CTNNA2: variants seen among roughly 807,000 people sequenced by gnomAD.
The protein encoded by CTNNA2 is catenin alpha-2.
Under a neutral mutation model 101.0 loss-of-function variants are expected in CTNNA2, and 42 were observed. The ratio of observed to expected loss-of-function variants is 0.42; its 90% confidence interval spans 0.32 to 0.54. The LOEUF is 0.54. CTNNA2 is among the 20% of genes least tolerant of loss of function. CTNNA2 has a pLI of 0.14. For synonymous variants in CTNNA2, 450 were observed against 456.4 expected (o/e 0.99, Z 0.18); for missense variants, 871 against 1,223.1 (o/e 0.71, Z 4.29).
chr2:80,226,144 A>T (rs1708874777), intron 7 of CTNNA2, among the ~76,000 whole-genome samples: 1 of 152,184 alleles, frequency 6.6e-6, no homozygotes, highest in South Asian at 2.1e-4. Context: ...GACTTCAGCT[A>T]ATGGGACTAT....
At position 79,238,193 on chromosome 2, in the gene CTNNA2, ATTG is replaced by A. The variant is rs574636373; in HGVS notation, c.-406+40122_-406+40124del. Among the ~76,000 whole-genome samples, 447 of 152,266 alleles carry A rather than the reference ATTG, an allele frequency of 2.9e-3. 2 individuals are homozygous for A. The highest frequency in any genetic ancestry group is 9.9e-3 in the African/African-American group (413 of 41,554). On this transcript the variant is annotated intron_variant, in intron 2 of 21. Coordinates refer to the CTNNA2 transcript ENST00000466387. ...GGCTATTAATTGGCCTAATTTCAAT[ATTG>A]TTGTGTCTTAGAGAATAGGGAGGCC...
At chr2:80,114,004 T>C (rs1701369108) in intron 7 of CTNNA2, among the ~76,000 whole-genome samples, 1 of 152,260 alleles carries the variant, frequency 6.6e-6, no homozygotes, top group Non-Finnish European at 1.5e-5. Flanking sequence ...CCAGTGTTTA[T>C]GACCATTTTA....
intron 7 of CTNNA2, among the ~76,000 whole-genome samples, chr2:80,083,973 A>G (rs1335941648): frequency 6.6e-6 from 1 of 151,968 alleles, no homozygotes; most frequent in Non-Finnish European, 1.5e-5. Context: ...TATCTTGATG[A>G]GACAAGAGCA....
At chr2:79,749,457 G>A (rs1347304596) in intron 3 of CTNNA2, among the ~76,000 whole-genome samples, 3 of 152,126 alleles carry the variant, frequency 2.0e-5, no homozygotes, top group Non-Finnish European at 4.4e-5. Context: ...TGGTGTGTGT[G>A]TTTCTCCCTT....
intron 3 of CTNNA2, among the ~76,000 whole-genome samples, chr2:79,335,641 C>T (rs539690120): frequency 5.9e-5 from 9 of 152,106 alleles, no homozygotes; most frequent in Non-Finnish European, 1.3e-4. Flanking sequence ...AAACATTCTA[C>T]GTCTTAGTTA....
intron 7 of CTNNA2, among the ~76,000 whole-genome samples, chr2:80,051,382 TTTCTAAACAC>T (rs1378645428): frequency 6.6e-6 from 1 of 152,192 alleles, no homozygotes; most frequent in African/African-American, 2.4e-5. Context: ...TTTCCTATGG[TTTCTAAACAC>T]ATGTAGATTC....
At position 80,218,857 on chromosome 2, in the gene CTNNA2, G is replaced by A. The variant is rs150850275; in HGVS notation, c.1057-174354G>A. 5.9e-5 allele frequency among the ~76,000 whole-genome samples: 9 copies of A among 152,200 alleles called. No individual in the cohort carries two copies. In the East Asian group the frequency reaches 1.7e-3, roughly 29 times the overall value. ...GAATTGGTGCTACAATTTATTTAAT[G>A]CTTAGAATTATCTGAGGTATAGGAT... On this transcript the variant is annotated intron_variant, in intron 7 of 18. Transcript: ENST00000402739.
intron 2 of CTNNA2, chr2:79,293,122 G>A (rs1675870697): frequency 6.6e-6 from 1 of 152,158 alleles, no homozygotes; most frequent in African/African-American, 2.4e-5. Context: ...TCAAAATCTG[G>A]TGGGTCTTTC....
At chr2:79,691,464 A>G (rs1204333015) in intron 2 of CTNNA2, among the ~76,000 whole-genome samples, 1 of 151,830 alleles carries the variant, frequency 6.6e-6, no homozygotes, top group East Asian at 1.9e-4. Context: ...GAGGCAAAAT[A>G]CTCCAATTAA....
chr2:80,480,828 C>G (rs920113010), intron 9 of CTNNA2, among the ~76,000 whole-genome samples: 2 of 152,100 alleles, frequency 1.3e-5, no homozygotes, highest in South Asian at 4.1e-4. Flanking sequence ...TCTATTTTTC[C>G]CTGACATGGC....
intron 3 of CTNNA2, among the ~76,000 whole-genome samples, chr2:79,856,906 C>A (rs1429831801): frequency 6.6e-6 from 1 of 152,188 alleles, no homozygotes; most frequent in Non-Finnish European, 1.5e-5. Context: ...CTTCTCTGTC[C>A]TGGTCTTTTT....
At chr2:80,545,773 T>A (rs1692006335) in intron 10 of CTNNA2, 134 bp from the exon 11 acceptor site, 2 of 729,156 alleles carry the variant, frequency 2.7e-6, no homozygotes, top group African/African-American at 3.6e-5. Context: ...TGTGTTTGAT[T>A]GTCCTTCTGA....
At chr2:79,783,398 CT>C (rs1469391309) in intron 3 of CTNNA2, among the ~76,000 whole-genome samples, 1 of 152,178 alleles carries the variant, frequency 6.6e-6, no homozygotes. Flanking sequence ...ACTGCAGGGC[CT>C]TCGTCAACTG....
At chr2:79,776,874 T>G (rs1674003814) in intron 3 of CTNNA2, 1 of 152,218 alleles carries the variant, frequency 6.6e-6, no homozygotes, top group Admixed American at 6.5e-5. Context: ...GTACAATTTC[T>G]ATATGTTTCT....
At chr2:79,683,980 T>G (rs1044269650) in intron 2 of CTNNA2, among the ~76,000 whole-genome samples, 3 of 152,116 alleles carry the variant, frequency 2.0e-5, no homozygotes, top group Non-Finnish European at 4.4e-5. Flanking sequence ...CGTAGCACTG[T>G]GCCCTATTGC....
intron 2 of CTNNA2, among the ~76,000 whole-genome samples, chr2:79,652,790 C>G (rs1681352346): frequency 6.6e-6 from 1 of 152,144 alleles, no homozygotes; most frequent in South Asian, 2.1e-4. Context: ...AGATTCAGAT[C>G]CTTCCTTTAT....
intron 6 of CTNNA2, among the ~76,000 whole-genome samples, chr2:79,898,579 C>T (rs1044924050): frequency 3.3e-5 from 5 of 152,138 alleles, no homozygotes; most frequent in Admixed American, 2.0e-4. Flanking sequence ...GACCGAGGAA[C>T]GGTTCTTGCA....
intron 9 of CTNNA2, among the ~76,000 whole-genome samples, chr2:80,436,533 G>C (rs988350912): frequency 6.6e-6 from 1 of 152,146 alleles, no homozygotes; most frequent in Non-Finnish European, 1.5e-5. Flanking sequence ...TACAGCCGCT[G>C]CTATGGTCTC....
At chr2:80,454,559 T>C (rs1683799895) in intron 9 of CTNNA2, among the ~76,000 whole-genome samples, 1 of 152,200 alleles carries the variant, frequency 6.6e-6, no homozygotes, top group Non-Finnish European at 1.5e-5. Flanking sequence ...AATGTTAGAT[T>C]TTTAAAAAGC....
Sources: gnomAD v4.1 joint callset for allele counts (sites outside exome capture counted in the v4.1 genomes callset) on GRCh38, gnomAD v4.1.1 for gene constraint, MANE v1.5 for transcripts, NCBI Gene and HGNC (gene_info 2026-07-23, HGNC 2026-07-21) for gene names.